Variants in BCAS3 observed in about 807,000 individuals in gnomAD.
The protein encoded by BCAS3 is BCAS3 microtubule associated cell migration factor.
Under a neutral mutation model 116.1 loss-of-function variants are expected in BCAS3, and 53 were observed. That is an observed-to-expected ratio of 0.46 (90% CI 0.37 to 0.57). The LOEUF (loss-of-function observed/expected upper bound fraction) is 0.57, where lower values mean the gene tolerates loss of function less well. BCAS3 is among the 20% of genes least tolerant of loss of function. BCAS3 has a pLI of 0.00. For synonymous variants in BCAS3, 391 were observed against 408.2 expected, an observed-to-expected ratio of 0.96 and a Z score of 0.51; for missense variants, 917 against 1,165.4, an observed-to-expected ratio of 0.79 and a Z score of 3.10.
intron 22 of BCAS3, among the ~76,000 whole-genome samples, chr17:61,335,670 G>A (rs959838513): frequency 6.6e-6 from 1 of 152,126 alleles, no homozygotes; most frequent in Admixed American, 6.5e-5. Context: ...ATCGCTAGAG[G>A]CCAGAAGTTC....
intron 7 of BCAS3, chr17:60,851,632 G>A: frequency 1.4e-6 from 1 of 696,554 alleles, no homozygotes; most frequent in Non-Finnish European, 2.7e-6. Context: ...GGAGCAAAGG[G>A]AAAACAGGCT....
In BCAS3 at chr17:61,200,197, G is replaced by A. The variant is rs796604499; in HGVS notation, c.2425+115633G>A. 6.6e-6 allele frequency among the ~76,000 whole-genome samples: 1 copy of A among 152,188 alleles called. No homozygotes were observed. The highest frequency in any genetic ancestry group is 2.4e-5 in the African/African-American group (1 of 41,450). The stretch of plus-strand genomic sequence containing the variant: ...ACTTAGAACTTACTGTTGACTTAGT[G>A]ATAAAGTTTTTATTCAGGTCCCAAA... On this transcript the variant is annotated intron_variant, in intron 22 of 23. Coordinates refer to ENST00000407086, the MANE Select transcript of BCAS3 (RefSeq NM_017679.5). This position sits in a 1 kb window ranked among gnomAD's most constrained non-coding sequence, Gnocchi z 5.1.
rs1261932297 is a variant in BCAS3 at position 60,962,283 on chromosome 17, C to G, written c.1221+14931C>G. On this transcript the variant is annotated intron_variant, in intron 14 of 23. Coordinates refer to ENST00000407086, the MANE Select transcript of BCAS3 (RefSeq NM_017679.5). This position sits in a 1 kb window ranked among gnomAD's most constrained non-coding sequence, Gnocchi z 4.4. Reference sequence around the variant, plus strand: ...CATACTGTGCTCCATAGTGGCTGCACTAATTTACATTTCCACCAGCAGTGT... The same window carrying G: ...CATACTGTGCTCCATAGTGGCTGCAGTAATTTACATTTCCACCAGCAGTGT... Among the ~76,000 whole-genome samples, 1 of 152,160 alleles carries G rather than the reference C, an allele frequency of 6.6e-6. No homozygotes were observed. The highest frequency in any genetic ancestry group is 1.5e-5 in the Non-Finnish European group (1 of 68,034).
At chr17:60,897,393 C>T (rs1012946134) in intron 10 of BCAS3, among the ~76,000 whole-genome samples, 1 of 152,128 alleles carries the variant, frequency 6.6e-6, no homozygotes, top group Non-Finnish European at 1.5e-5. Flanking sequence ...TTAGAGAAGA[C>T]CTTTTTCCAT....
At position 60,807,733 on chromosome 17, in the gene BCAS3, G is replaced by A. The variant is rs181683926; in HGVS notation, c.404-271G>A. Among the ~76,000 whole-genome samples the A allele has an allele frequency of 2.3e-4, 34 of 150,016 alleles. No individual in the cohort carries two copies. The East Asian group carries it at 6.5e-3, about 29-fold the overall frequency. On this transcript the variant is annotated intron_variant, in intron 6 of 23. Coordinates refer to ENST00000407086, the MANE Select transcript of BCAS3 (RefSeq NM_017679.5). The stretch of plus-strand genomic sequence containing the variant: ...GGAGGCAGAGGTTGCAGTGAGCTGC[G>A]ATCGTGCCACTGCACTCCAGCCTGG...
At position 60,912,919 on chromosome 17, in the gene BCAS3, A is replaced by G. The variant is rs2058593372; in HGVS notation, c.993+2217A>G. Among the ~76,000 whole-genome samples, 3 of 152,130 alleles carry G rather than the reference A, an allele frequency of 2.0e-5. No homozygotes were observed. The South Asian group carries it at 6.2e-4, about 31-fold the overall frequency. On this transcript the variant is annotated intron_variant, in intron 12 of 23. Coordinates refer to ENST00000407086, the MANE Select transcript of BCAS3 (RefSeq NM_017679.5). ...GGATTATTTCAAAATAGAAAATGTT[A>G]TCTCAGTAATTTTGATGAAATAGAA... is the stretch of plus-strand genomic sequence containing the variant.
intron 22 of BCAS3, among the ~76,000 whole-genome samples, chr17:61,218,887 A>G (rs528045908): frequency 8.5e-5 from 13 of 152,300 alleles, no homozygotes; most frequent in African/African-American, 3.1e-4. Context: ...ATCACCCTAC[A>G]TTAAACATAG....
intron 5 of BCAS3, among the ~76,000 whole-genome samples, chr17:60,710,577 G>A (rs1182449053): frequency 9.9e-5 from 15 of 151,464 alleles, no homozygotes; most frequent in Non-Finnish European, 1.8e-4. Flanking sequence ...GACTATAGGC[G>A]CCCGCCACCA....
chr17:60,757,210 G>T lies in BCAS3; in HGVS notation c.403+9931G>T, dbSNP rs371654919. Among the ~76,000 whole-genome samples the T allele has an allele frequency of 4.0e-5, 6 of 151,798 alleles. No homozygotes were observed. In the East Asian group the frequency reaches 9.7e-4, roughly 24 times the overall value. ...TCTAAATACAAAAATTAGCCACTTGGGGGGCTGAGGCAGGGAATTGCTTGA... is the reference window on the plus strand; with the variant it reads ...TCTAAATACAAAAATTAGCCACTTGTGGGGCTGAGGCAGGGAATTGCTTGA... On this transcript the variant is annotated intron_variant, in intron 6 of 23. Transcript: ENST00000407086.
intron 22 of BCAS3, among the ~76,000 whole-genome samples, chr17:61,357,564 C>T (rs2058223489): frequency 6.7e-6 from 1 of 149,380 alleles, no homozygotes; most frequent in Non-Finnish European, 1.5e-5. Flanking sequence ...CTGCCTCAGC[C>T]TCCTGAGTAG....
chr17:60,861,547 G>T (rs1173050317), intron 7 of BCAS3, among the ~76,000 whole-genome samples: 2 of 152,292 alleles, frequency 1.3e-5, no homozygotes, highest in East Asian at 3.9e-4. Context: ...ATTGGTGAGA[G>T]TAGGCGTCTT....
rs888078253 is a variant in BCAS3, at chr17:61,285,115, C to G, written c.2426-83212C>G. Among the ~76,000 whole-genome samples the G allele has an allele frequency of 1.3e-5, 2 of 152,124 alleles. No individual in the cohort carries two copies. Among genetic ancestry groups the G allele is most frequent in the Admixed American group, 1.3e-4 (2 of 15,268 alleles). On this transcript the variant is annotated intron_variant, in intron 22 of 23. Transcript: ENST00000407086. The surrounding 1 kb of genome is among the most constrained non-coding windows in gnomAD (Gnocchi z 5.4). ...CTCTTCTGTCCCCTAGTGATTCAAA[C>G]CAGCTATCCTGAAACTGCTTCCACC...
At chr17:61,038,216 T>C (rs185478894) in intron 18 of BCAS3, among the ~76,000 whole-genome samples, 162 bp downstream of exon 18, 1 of 152,252 alleles carries the variant, frequency 6.6e-6, no homozygotes, top group African/African-American at 2.4e-5. Flanking sequence ...TTGGTGACCC[T>C]TTGTAATCTC....
In BCAS3 at chr17:61,046,638, G is replaced by C. The variant is rs192439530; in HGVS notation, c.2029+5746G>C. Among the ~76,000 whole-genome samples the C allele has an allele frequency of 1.7e-3, 253 of 151,984 alleles. 2 individuals carry two copies. Among genetic ancestry groups the C allele is most frequent in the African/African-American group, 5.3e-3 (219 of 41,516 alleles). ...GAAAAAAGTCTAGACATGTTCGGTAGAGACGCAACCATCCTTTTTTTTTTC... is the reference window on the plus strand; with the variant it reads ...GAAAAAAGTCTAGACATGTTCGGTACAGACGCAACCATCCTTTTTTTTTTC... On this transcript the variant is annotated intron_variant, in intron 19 of 23. Transcript: ENST00000407086.
intron 5 of BCAS3, among the ~76,000 whole-genome samples, chr17:60,725,331 T>G (rs1317930961): frequency 1.3e-5 from 2 of 152,242 alleles, no homozygotes; most frequent in Non-Finnish European, 2.9e-5. Flanking sequence ...CCCAATTTCT[T>G]GCTCTTTGCT....
At chr17:60,872,863 C>T (rs1319775592) in intron 8 of BCAS3, among the ~76,000 whole-genome samples, 4 of 151,876 alleles carry the variant, frequency 2.6e-5, no homozygotes, top group African/African-American at 9.7e-5. Context: ...TAAGTACTTT[C>T]TCTTTGGTTC....
chr17:61,231,105 G>A (rs1380758405), intron 22 of BCAS3, among the ~76,000 whole-genome samples: 1 of 151,602 alleles, frequency 6.6e-6, no homozygotes, highest in African/African-American at 2.4e-5. Flanking sequence ...TACCTGACCT[G>A]ACTTTTTAAT....
chr17:60,689,709 A>G lies in BCAS3; in HGVS notation c.162A>G (p.Thr54=), dbSNP rs780697275. 8 of 1,608,080 alleles carry G rather than the reference A, an allele frequency of 5.0e-6. No individual in the cohort carries two copies. In the African/African-American group the frequency reaches 6.7e-5, roughly 13 times the overall value. The change falls in exon 4 of 24, where the codon ACA becomes ACG. Residue 54 remains threonine (T), a synonymous_variant. Transcript: ENST00000407086. ...AGGCTTACAGTGGAACACCTCTAAC[A>G]GAAGAAAAGGAGAAAATAGTCTGGG... ...VPQAYSGTPL[T]EEKEKIVWVR...
intron 12 of BCAS3, among the ~76,000 whole-genome samples, chr17:60,916,733 A>G (rs1418607933): frequency 6.6e-6 from 1 of 152,190 alleles, no homozygotes; most frequent in Non-Finnish European, 1.5e-5. Context: ...AATTTATGCT[A>G]CAGTGGACAC....
Sources: gnomAD v4.1 joint callset for allele counts (sites outside exome capture counted in the v4.1 genomes callset) on GRCh38, gnomAD v4.1.1 for gene constraint, Gnocchi (gnomAD v3.1) non-coding constraint, MANE v1.5 for transcripts, NCBI Gene and HGNC (gene_info 2026-07-23, HGNC 2026-07-21) for gene names.